The following ELL2 variants were observed in gnomAD, a reference collection of about 807,000 sequenced individuals.
ELL2 encodes the protein RNA polymerase II elongation factor ELL2.
A neutral mutation model predicts 72.8 loss-of-function variants in ELL2; 21 were observed. That is an observed-to-expected ratio of 0.29 (90% CI 0.20 to 0.42). The LOEUF is 0.42. Ranked by LOEUF, ELL2 falls within the 10% of genes least tolerant of loss-of-function variation. The pLI is 1.00. For synonymous variants in ELL2, 266 were observed against 283.2 expected, an observed-to-expected ratio of 0.94 and a Z score of 0.61; for missense variants, 568 against 772.8, an observed-to-expected ratio of 0.73 and a Z score of 3.14.
At chr5:95,892,034 G>A (rs1192501597) in intron 9 of ELL2, among the ~76,000 whole-genome samples, 4 of 151,972 alleles carry the variant, frequency 2.6e-5, no homozygotes, top group African/African-American at 9.7e-5. Flanking sequence ...TTTTACTTTG[G>A]GATGTAAATT....
intron 6 of ELL2, 46 bp downstream of exon 6, chr5:95,900,910 A>G: frequency 6.4e-7 from 1 of 1,573,446 alleles, no homozygotes; most frequent in South Asian, 1.2e-5. Flanking sequence ...TATTTCCATA[A>G]TTTTTAAAGA....
At chr5:95,946,252 T>G (rs1751154643) in intron 1 of ELL2, among the ~76,000 whole-genome samples, 2 of 152,170 alleles carry the variant, frequency 1.3e-5, no homozygotes, top group African/African-American at 4.8e-5. Flanking sequence ...TTAGTATGAC[T>G]GCATCTGCAG....
At chr5:95,907,960 G>A (rs1032427050) in intron 4 of ELL2, among the ~76,000 whole-genome samples, 1 of 152,176 alleles carries the variant, frequency 6.6e-6, no homozygotes, top group South Asian at 2.1e-4. Flanking sequence ...GAAGGCCTGT[G>A]TGTTTTGATT....
At chr5:95,904,974 T>C (rs957585187) in intron 5 of ELL2, among the ~76,000 whole-genome samples, 15 of 152,144 alleles carry the variant, frequency 9.9e-5, no homozygotes, top group African/African-American at 3.6e-4. Flanking sequence ...AGCCTTTCTG[T>C]GTTTTCACTA....
chr5:95,935,932 G>A lies in ELL2; in HGVS notation c.195+7070C>T, dbSNP rs75928554. Among the ~76,000 whole-genome samples, 662 of 152,224 alleles carry A rather than the reference G, an allele frequency of 4.3e-3. 8 individuals are homozygous for A. Among genetic ancestry groups the A allele is most frequent in the African/African-American group, 0.015 (639 of 41,518 alleles). The stretch of plus-strand genomic sequence containing the variant: ...TGCAAATCTGACCACATGACTCCCT[G>A]GCTAAAATTTTTTAAATAGTTGATA... On this transcript the variant is annotated intron_variant, in intron 2 of 11. Coordinates refer to ENST00000237853, the MANE Select transcript of ELL2 (RefSeq NM_012081.6).
intron 1 of ELL2, among the ~76,000 whole-genome samples, chr5:95,953,529 G>C (rs968190956): frequency 6.6e-6 from 1 of 152,190 alleles, no homozygotes; most frequent in Non-Finnish European, 1.5e-5. Context: ...AATCTTATAA[G>C]AAAGTTCAAG....
chr5:95,890,409 T>G (rs1209770305), intron 10 of ELL2, among the ~76,000 whole-genome samples: 1 of 152,172 alleles, frequency 6.6e-6, no homozygotes, highest in Non-Finnish European at 1.5e-5. Flanking sequence ...CTATACCACC[T>G]GTGTCCGTGA....
At chr5:95,903,023 A>C (rs1285415414) in intron 5 of ELL2, among the ~76,000 whole-genome samples, 2 of 151,974 alleles carry the variant, frequency 1.3e-5, no homozygotes, top group Admixed American at 1.3e-4. Context: ...TCCCGGGCTC[A>C]AGCAATCTTC....
At chr5:95,900,232 G>T (rs1749085759) in intron 7 of ELL2, 2 of 152,438 alleles carry the variant, frequency 1.3e-5, no homozygotes, top group African/African-American at 4.8e-5. Flanking sequence ...CTCTGATAAG[G>T]ATCCAATTAA....
intron 5 of ELL2, among the ~76,000 whole-genome samples, chr5:95,902,339 C>T (rs1005356769): frequency 1.3e-5 from 2 of 152,172 alleles, no homozygotes; most frequent in Non-Finnish European, 2.9e-5. Flanking sequence ...TAAATGAAAA[C>T]ATATGCCTAG....
In ELL2 at chr5:95,955,626, G is replaced by A. The variant is rs181874998; in HGVS notation, c.147+5949C>T. Among the ~76,000 whole-genome samples, 50 of 152,276 alleles carry A rather than the reference G, an allele frequency of 3.3e-4. No homozygotes were observed. In the East Asian group the frequency reaches 6.9e-3, roughly 21 times the overall value. On this transcript the variant is annotated intron_variant, in intron 1 of 11. Transcript: ENST00000237853. ...AGCTTTAATTTGCTCTAAAGACATG[G>A]ACATTAATTTATTATATTCTACTCC...
intron 1 of ELL2, among the ~76,000 whole-genome samples, chr5:95,943,523 A>T (rs983350716): frequency 6.6e-5 from 10 of 152,162 alleles, no homozygotes; most frequent in African/African-American, 2.4e-4. Flanking sequence ...ATTTTACATT[A>T]AAAAAACTGT....
intron 2 of ELL2, among the ~76,000 whole-genome samples, chr5:95,927,015 G>A (rs1750305881): frequency 6.6e-6 from 1 of 152,044 alleles, no homozygotes. Context: ...AGTGTTTCTG[G>A]TAAGATGACA....
At chr5:95,903,677 A>G (rs1223170167) in intron 5 of ELL2, among the ~76,000 whole-genome samples, 4 of 152,174 alleles carry the variant, frequency 2.6e-5, no homozygotes, top group Non-Finnish European at 4.4e-5. Context: ...TTCAATACCC[A>G]ATATATATGC....
At chr5:95,912,429 A>G (rs920938903) in intron 4 of ELL2, among the ~76,000 whole-genome samples, 11 of 152,224 alleles carry the variant, frequency 7.2e-5, no homozygotes, top group South Asian at 2.1e-4. Flanking sequence ...TGGGCAGAGG[A>G]AAACAACATT....
chr5:95,949,944 A>G (rs1751313056), intron 1 of ELL2, among the ~76,000 whole-genome samples: 1 of 152,202 alleles, frequency 6.6e-6, no homozygotes. Flanking sequence ...CTCATTTCTC[A>G]GGTAAGTTCT....
At position 95,950,020 on chromosome 5, in the gene ELL2, A is replaced by G. The variant is rs544386765; in HGVS notation, c.148-6971T>C. ...GCTCAGAACTGTGCTCTTATTCAGC[A>G]TTTTATATAGTTAGTCTTTCCTGCC... On this transcript the variant is annotated intron_variant, in intron 1 of 11. Coordinates refer to ENST00000237853, the MANE Select transcript of ELL2 (RefSeq NM_012081.6). Among the ~76,000 whole-genome samples, 7 of 152,198 alleles carry G rather than the reference A, an allele frequency of 4.6e-5. No individual in the cohort carries two copies. The South Asian group carries it at 6.2e-4, about 13-fold the overall frequency.
In ELL2 at chr5:95,893,394, T is replaced by C. The variant is rs530128814; in HGVS notation, c.1590-2120A>G. Among the ~76,000 whole-genome samples, 28 of 152,344 alleles carry C rather than the reference T, an allele frequency of 1.8e-4. 1 individual carries two copies. Among genetic ancestry groups the C allele is most frequent in the Admixed American group, 1.3e-3 (20 of 15,310 alleles). On this transcript the variant is annotated intron_variant, in intron 9 of 11. Transcript: ENST00000237853. ...AAGGTTGATAATTTAGGTTTTTTAT[T>C]ATTTTTTTGAGATGGTGTCTTGCTC...
intron 1 of ELL2, among the ~76,000 whole-genome samples, chr5:95,945,860 A>G (rs1466955354): frequency 1.3e-5 from 2 of 152,164 alleles, no homozygotes; most frequent in Non-Finnish European, 2.9e-5. Context: ...ATTCCTGCCT[A>G]ATTTTTCCTT....
Sources: gnomAD v4.1 joint callset for allele counts (sites outside exome capture counted in the v4.1 genomes callset) on GRCh38, gnomAD v4.1.1 for gene constraint, MANE v1.5 for transcripts, NCBI Gene and HGNC (gene_info 2026-07-23, HGNC 2026-07-21) for gene names.